Variants in SLC36A1 observed in about 807,000 individuals in gnomAD.
SLC36A1 encodes the protein solute carrier family 36 member 1, also known as proton-coupled amino acid transporter 1.
Under a neutral mutation model 47.5 loss-of-function variants are expected in SLC36A1, and 30 were observed. The ratio of observed to expected loss-of-function variants is 0.63; its 90% confidence interval spans 0.47 to 0.86. The LOEUF is 0.86. Among genes scored for constraint, SLC36A1 ranks in the 40% least tolerant of loss-of-function variants. SLC36A1 has a pLI of 0.00. For missense variants in SLC36A1, 517 were observed against 606.0 expected, an observed-to-expected ratio of 0.85 and a Z score of 1.54; for synonymous variants, 255 against 249.7, an observed-to-expected ratio of 1.02 and a Z score of -0.20.
At chr5:151,487,857 A>G in intron 10 of SLC36A1, 126 bp from the exon 11 acceptor site, 1 of 1,145,896 alleles carries the variant, frequency 8.7e-7, no homozygotes, top group Non-Finnish European at 1.2e-6. Flanking sequence ...GAACTGGACA[A>G]TGTCTAAGTT....
chr5:151,507,453 C>T, the SLC36A1 span: 1 of 1,614,162 alleles, frequency 6.2e-7, no homozygotes, highest in Non-Finnish European at 8.5e-7. Flanking sequence ...GTGAGACTTG[C>T]AACGGCGGCA....
At chr5:151,470,184 T>C (rs569267482) in intron 7 of SLC36A1, among the ~76,000 whole-genome samples, 1 of 152,228 alleles carries the variant, frequency 6.6e-6, no homozygotes, top group Non-Finnish European at 1.5e-5. Flanking sequence ...TATTTACCCA[T>C]GATTTCATGT....
the SLC36A1 span, among the ~76,000 whole-genome samples, chr5:151,552,556 T>C: frequency 5.3e-5 from 8 of 152,174 alleles, no homozygotes; most frequent in Non-Finnish European, 1.0e-4. Context: ...CTAAATTGTA[T>C]GCAGATTTAC....
At chr5:151,545,106 A>G in the SLC36A1 span, 1 of 1,614,206 alleles carries the variant, frequency 6.2e-7, no homozygotes, top group Non-Finnish European at 8.5e-7. Flanking sequence ...TATCTGTGCC[A>G]TTCAAGAGAA....
intron 7 of SLC36A1, among the ~76,000 whole-genome samples, chr5:151,473,216 A>G (rs1020992615): frequency 3.3e-5 from 5 of 151,326 alleles, no homozygotes; most frequent in Admixed American, 6.6e-5. Flanking sequence ...ATAGATAGAT[A>G]GATAGATAGA....
the SLC36A1 span, among the ~76,000 whole-genome samples, chr5:151,352,426 A>G: frequency 1.3e-5 from 2 of 152,192 alleles, no homozygotes; most frequent in Admixed American, 1.3e-4. Context: ...CCCATTTGAC[A>G]GATGTGGAGT....
chr5:151,360,081 T>G, the SLC36A1 span, among the ~76,000 whole-genome samples: 1 of 152,236 alleles, frequency 6.6e-6, no homozygotes, highest in African/African-American at 2.4e-5. Context: ...TGTCAAATAC[T>G]TGATTCTTTT....
chr5:151,477,120 G>C (rs1415539020), intron 9 of SLC36A1: 1 of 368,698 alleles, frequency 2.7e-6, no homozygotes, highest in South Asian at 2.1e-5. Flanking sequence ...CCTCTCCCTT[G>C]GTAGTAACAG....
the SLC36A1 span, among the ~76,000 whole-genome samples, chr5:151,370,948 G>A: frequency 4.6e-5 from 7 of 152,100 alleles, no homozygotes; most frequent in East Asian, 1.9e-4. Flanking sequence ...AGCCAAGATC[G>A]CAGTACTACA....
intron 10 of SLC36A1, among the ~76,000 whole-genome samples, chr5:151,485,976 G>A (rs1287709483): frequency 1.7e-4 from 26 of 152,220 alleles, no homozygotes; most frequent in Admixed American, 1.6e-3. Flanking sequence ...CAGGGTAAGT[G>A]TGAGGCAGGA....
the SLC36A1 span, among the ~76,000 whole-genome samples, chr5:151,515,279 T>A: frequency 6.6e-6 from 1 of 152,240 alleles, no homozygotes; most frequent in African/African-American, 2.4e-5. Context: ...TCTCCTTTGT[T>A]GAATCCCCTC....
In SLC36A1 at chr5:151,473,746, T is replaced by A; in HGVS notation, c.797T>A (p.Ile266Asn). Residue 266 changes from isoleucine to asparagine, a missense_variant, in exon 8 of 11, where the codon ATT becomes AAT. By Grantham distance (149) the Ile-to-Asn change is moderately radical (BLOSUM62 -3). Transcript: ENST00000243389. ...TACCCTCTCTTCTTTGGCACAGCGA[T>A]TTTTTCATTTGAAGGCATTGGAATG... The part of the protein sequence containing the change: ...KTYPLFFGTA[I>N]FSFEGIGMVL... The A allele has an allele frequency of 6.2e-7, 1 of 1,613,924 alleles. No homozygotes were observed. The highest frequency in any genetic ancestry group is 8.5e-7 in the Non-Finnish European group (1 of 1,179,856).
intron 1 of SLC36A1, among the ~76,000 whole-genome samples, chr5:151,451,227 TA>T (rs1173240047): frequency 1.3e-5 from 2 of 152,042 alleles, no homozygotes; most frequent in Non-Finnish European, 2.9e-5. Flanking sequence ...TTATTATTAT[TA>T]TTTTTTTGGA....
In SLC36A1 at chr5:151,458,903, C is replaced by T; in HGVS notation, c.111C>T (p.Ser37=). 10 of 1,613,720 alleles carry T rather than the reference C, an allele frequency of 6.2e-6. No homozygotes were observed. Among genetic ancestry groups the T allele is most frequent in the Non-Finnish European group, 8.5e-6 (10 of 1,179,860 alleles). Reference sequence around the variant, plus strand: ...TCAACAACCTCTCCTCCCCGGGCTCCTACCAGCGCTTTGGTCAAAGCAATA... The same window carrying T: ...TCAACAACCTCTCCTCCCCGGGCTCTTACCAGCGCTTTGGTCAAAGCAATA... ...EGLNNLSSPG[S]YQRFGQSNST... is the part of the protein sequence containing the mutation. Residue 37 remains serine, a synonymous_variant, in exon 2 of 11, where the codon TCC becomes TCT. Coordinates refer to ENST00000243389, the MANE Select transcript of SLC36A1 (RefSeq NM_078483.4).
the SLC36A1 span, chr5:151,380,689 A>G: frequency 1.8e-6 from 1 of 551,462 alleles, no homozygotes. Flanking sequence ...TGAGCAACTG[A>G]AAACTCAGAT....
chr5:151,441,627 C>T lies in SLC36A1; in HGVS notation c.-6+4448C>T, dbSNP rs74401141. ...ATAATATAGGGTTTGGAGAACAATA[C>T]ACACATGCTGGCACCTGTAAACCTT... On this transcript the variant is annotated intron_variant, in intron 1 of 8. Transcript: ENST00000429484. Among the ~76,000 whole-genome samples the T allele has an allele frequency of 2.5e-3, 377 of 152,236 alleles. 2 individuals are homozygous for T. Among genetic ancestry groups the T allele is most frequent in the African/African-American group, 8.4e-3 (351 of 41,556 alleles).
At chr5:151,405,682 A>G in the SLC36A1 span, among the ~76,000 whole-genome samples, 1 of 152,094 alleles carries the variant, frequency 6.6e-6, no homozygotes, top group Non-Finnish European at 1.5e-5. Context: ...TTCTCATCTT[A>G]GGGGGCTGGT....
the SLC36A1 span, among the ~76,000 whole-genome samples, chr5:151,501,617 GTTTATGC>G: frequency 6.7e-6 from 1 of 148,272 alleles, no homozygotes; most frequent in Admixed American, 6.6e-5. Context: ...ACCATTTATT[GTTTATGC>G]TTTAATAAAC....
At chr5:151,355,697 A>G in the SLC36A1 span, among the ~76,000 whole-genome samples, 1 of 152,232 alleles carries the variant, frequency 6.6e-6, no homozygotes, top group African/African-American at 2.4e-5. Flanking sequence ...GATTTAGGAT[A>G]TATTACTGTG....
Sources: gnomAD v4.1 joint callset for allele counts (sites outside exome capture counted in the v4.1 genomes callset) on GRCh38, gnomAD v4.1.1 for gene constraint, MANE v1.5 for transcripts, NCBI Gene and HGNC (gene_info 2026-07-23, HGNC 2026-07-21) for gene names.